The following MACROH2A1 variants were observed in gnomAD, a reference collection of about 807,000 sequenced individuals.
The protein encoded by MACROH2A1 is macroH2A.1 histone, also known as core histone macro-H2A.1.
A neutral mutation model predicts 31.6 loss-of-function variants in MACROH2A1; 2 were observed. The ratio of observed to expected loss-of-function variants is 0.06; its 90% CI spans 0.03 to 0.20. The LOEUF (loss-of-function observed/expected upper bound fraction) is 0.20, where lower values mean the gene tolerates loss of function less well. MACROH2A1 is among the 10% of genes least tolerant of loss of function. MACROH2A1 has a pLI of 1.00. For missense variants in MACROH2A1, 230 were observed against 474.0 expected, an observed-to-expected ratio of 0.49 and a Z score of 4.78; for synonymous variants, 169 against 189.6, an observed-to-expected ratio of 0.89 and a Z score of 0.89.
At chr5:135,344,934 G>A (rs936960993) in intron 7 of MACROH2A1, 1 of 152,236 alleles carries the variant, frequency 6.6e-6, no homozygotes, top group Non-Finnish European at 1.5e-5. Flanking sequence ...GAACCCCGAT[G>A]GGAAAGGACC....
At chr5:135,397,305 G>A (rs946367069) in intron 1 of MACROH2A1, among the ~76,000 whole-genome samples, 1 of 152,138 alleles carries the variant, frequency 6.6e-6, no homozygotes, top group Non-Finnish European at 1.5e-5. Flanking sequence ...ACATCAGATG[G>A]AGATGTGTCA....
intron 1 of MACROH2A1, among the ~76,000 whole-genome samples, chr5:135,390,278 A>G (rs762966194): frequency 1.9e-4 from 29 of 152,190 alleles, no homozygotes; most frequent in Non-Finnish European, 3.7e-4. Flanking sequence ...ACACCACAGC[A>G]TTGATGCACG....
intron 1 of MACROH2A1, among the ~76,000 whole-genome samples, chr5:135,390,738 C>G (rs1164812022): frequency 6.6e-6 from 1 of 152,204 alleles, no homozygotes. Context: ...CCCTGTTACT[C>G]TGATGCTCAA....
chr5:135,348,418 T>C (rs1180486026), intron 6 of MACROH2A1, among the ~76,000 whole-genome samples: 1 of 152,196 alleles, frequency 6.6e-6, no homozygotes, highest in Non-Finnish European at 1.5e-5. Context: ...TAAGCGAAAA[T>C]TTAGGCTTGG....
At chr5:135,336,827 T>C (rs1044593208) in intron 8 of MACROH2A1, among the ~76,000 whole-genome samples, 16 of 152,206 alleles carry the variant, frequency 1.1e-4, no homozygotes, top group African/African-American at 3.9e-4. Context: ...ACAGGTTATC[T>C]GGAATGAGCC....
intron 6 of MACROH2A1, chr5:135,347,690 G>A (rs1761023614): frequency 6.6e-6 from 1 of 152,264 alleles, no homozygotes; most frequent in African/African-American, 2.4e-5. Flanking sequence ...CCAGGCGAGT[G>A]AGACCCCAAT....
intron 8 of MACROH2A1, among the ~76,000 whole-genome samples, chr5:135,336,126 C>T (rs1325524686): frequency 6.6e-6 from 1 of 152,226 alleles, no homozygotes; most frequent in Non-Finnish European, 1.5e-5. Flanking sequence ...CCGCCTATTT[C>T]AGCTGGAGCT....
At chr5:135,390,627 C>A (rs1249659791) in intron 1 of MACROH2A1, among the ~76,000 whole-genome samples, 1 of 152,144 alleles carries the variant, frequency 6.6e-6, no homozygotes, top group Non-Finnish European at 1.5e-5. Context: ...CTGGGCAGGT[C>A]TCCCATGTAC....
intron 6 of MACROH2A1, among the ~76,000 whole-genome samples, chr5:135,348,319 CCAAGCATAAACATGT>C (rs1761110763): frequency 6.6e-6 from 1 of 152,174 alleles, no homozygotes; most frequent in Non-Finnish European, 1.5e-5. Context: ...TTATTTGCCC[CCAAGCATAAACATGT>C]GTTACTCCCA....
intron 1 of MACROH2A1, among the ~76,000 whole-genome samples, chr5:135,396,683 T>A (rs1390436372): frequency 6.6e-6 from 1 of 152,070 alleles, no homozygotes; most frequent in African/African-American, 2.4e-5. Context: ...TGGGGCCTTT[T>A]GCACTGATTT....
chr5:135,350,928 C>T (rs1450190131), intron 6 of MACROH2A1: 1 of 1,545,550 alleles, frequency 6.5e-7, no homozygotes, highest in Non-Finnish European at 8.9e-7. Context: ...AACAGGTAAA[C>T]AAATGTATAT....
chr5:135,388,928 G>C lies in MACROH2A1; in HGVS notation c.166C>G (p.Leu56Val). The change falls in exon 2 of 9, where the codon CTG (leucine) becomes GTG (valine). Residue 56 changes from leucine to valine, a missense_variant. By Grantham distance (32) the Leu-to-Val change is conservative. Around this residue, in one of 2 missense-constraint regions of MACROH2A1, gnomAD observed 47 missense variants for 154.7 expected, o/e 0.30. Transcript: ENST00000511689. ...PVYMAAVLEY[L>V]TAEILELAGN... is the part of the protein sequence containing the mutation. ...TTGACTGAGGTACACTCACCTGTCA[G>C]GTATTCCAGGACGGCGGCCATGTAC... 1 of 1,604,384 alleles carries C rather than the reference G, an allele frequency of 6.2e-7. No individual in the cohort carries two copies. The highest frequency in any genetic ancestry group is 8.5e-7 in the Non-Finnish European group (1 of 1,172,170).
chr5:135,354,172 G>A (rs13172196), intron 5 of MACROH2A1: 1,903 of 152,386 alleles, frequency 0.012, 17 homozygotes, highest in Non-Finnish European at 0.018. Flanking sequence ...TTGTCCAGGA[G>A]CTCACCCAGG....
At chr5:135,366,587 A>T (rs1470349227) in intron 4 of MACROH2A1, among the ~76,000 whole-genome samples, 1 of 152,108 alleles carries the variant, frequency 6.6e-6, no homozygotes, top group Non-Finnish European at 1.5e-5. Flanking sequence ...TTATTTAAAA[A>T]AAAAAAAAAG....
chr5:135,335,094 A>G lies in MACROH2A1; in HGVS notation c.1001T>C (p.Ile334Thr). The G allele has an allele frequency of 6.2e-7, 1 of 1,613,856 alleles. No homozygotes were observed. Among genetic ancestry groups the G allele is most frequent in the Non-Finnish European group, 8.5e-7 (1 of 1,179,738 alleles). The change falls in exon 9 of 9, where the codon ATC (isoleucine) becomes ACC (threonine). Residue 334 changes from isoleucine to threonine, a missense_variant. Coordinates refer to ENST00000511689, the MANE Select transcript of MACROH2A1 (RefSeq NM_138610.3). ...CATTGTAGACACGAAGTAACTGGAG[A>G]TGGCCTTCAGAATCAGCTGAGCTGC... ...QTAAQLILKA[I>T]SSYFVSTMSS...
intron 2 of MACROH2A1, among the ~76,000 whole-genome samples, chr5:135,385,408 G>A (rs1766260688): frequency 6.6e-6 from 1 of 152,220 alleles, no homozygotes; most frequent in Non-Finnish European, 1.5e-5. Flanking sequence ...TGGACAGGAA[G>A]CCCTTTGGGG....
At chr5:135,353,858 C>G (rs1452203284) in intron 5 of MACROH2A1, 1 of 152,156 alleles carries the variant, frequency 6.6e-6, no homozygotes, top group Non-Finnish European at 1.5e-5. Flanking sequence ...CAATGGCAAC[C>G]CTGGCATCTG....
Position 135,369,374 on chromosome 5 carries a change from C to A in MACROH2A1, c.477+32G>T, listed in dbSNP as rs1479905633. 4 of 1,573,696 alleles carry A rather than the reference C, an allele frequency of 2.5e-6. No homozygotes were observed. Among genetic ancestry groups the A allele is most frequent in the Admixed American group, 1.7e-5 (1 of 59,878 alleles). ...CCTGTTTATCCGTACCCCATCCTAT[C>A]CCACTTCATACATTCTGGCCAAATC... On this transcript the variant is annotated intron_variant, in intron 4 of 8. Transcript: ENST00000511689. This position sits in a 1 kb window ranked among gnomAD's most constrained non-coding sequence, Gnocchi z 4.3.
At chr5:135,350,283 T>C (rs1761360250) in intron 6 of MACROH2A1, among the ~76,000 whole-genome samples, 1 of 152,174 alleles carries the variant, frequency 6.6e-6, no homozygotes, top group Admixed American at 6.5e-5. Flanking sequence ...GTACCTGAAG[T>C]CTGAGAACCC....
Sources: gnomAD v4.1 joint callset for allele counts (sites outside exome capture counted in the v4.1 genomes callset) on GRCh38, gnomAD v4.1.1 for gene constraint, gnomAD v4.1.1 regional missense constraint, Gnocchi (gnomAD v3.1) non-coding constraint, MANE v1.5 for transcripts, NCBI Gene and HGNC (gene_info 2026-07-23, HGNC 2026-07-21) for gene names.